The following ATP11A variants were observed in gnomAD, a reference collection of about 807,000 sequenced individuals.
The protein encoded by ATP11A is ATPase phospholipid transporting 11A, also known as phospholipid-transporting ATPase IH.
ATP11A carries 81 observed loss-of-function variants against 154.4 expected under a neutral mutation model. The observed-to-expected ratio is 0.52, with a 90% confidence interval of 0.44 to 0.63. The LOEUF (loss-of-function observed/expected upper bound fraction) is 0.63. Ranked by LOEUF, ATP11A falls within the 30% of genes least tolerant of loss-of-function variation. ATP11A has a pLI of 0.00. For missense variants in ATP11A, 1,316 were observed against 1,474.3 expected (o/e 0.89, Z 1.76); for synonymous variants, 623 against 585.9 (o/e 1.06, Z -0.91).
At chr13:112,763,440 T>C (rs1024678027) in intron 1 of ATP11A, among the ~76,000 whole-genome samples, 7 of 152,224 alleles carry the variant, frequency 4.6e-5, no homozygotes, top group African/African-American at 1.7e-4. Context: ...ACATGACCGA[T>C]AGCAGGCCCT....
chr13:112,864,919 C>A (rs377222846), intron 25 of ATP11A, among the ~76,000 whole-genome samples: 15 of 54,748 alleles, frequency 2.7e-4, no homozygotes, highest in African/African-American at 3.3e-4. Flanking sequence ...CCATCACCAC[C>A]TGCGCAGTAA....
intron 4 of ATP11A, among the ~76,000 whole-genome samples, chr13:112,808,046 G>C (rs75214066): frequency 2.6e-5 from 4 of 152,076 alleles, no homozygotes; most frequent in Admixed American, 2.6e-4. Context: ...AGAGCGTGGA[G>C]TAGGGAGGGC....
At chr13:112,707,047 G>A (rs778355953) in intron 1 of ATP11A, among the ~76,000 whole-genome samples, 18 of 152,134 alleles carry the variant, frequency 1.2e-4, no homozygotes, top group Admixed American at 1.0e-3. Context: ...GAGACAACTC[G>A]GCAACATCAG....
chr13:112,832,961 G>A lies in ATP11A; in HGVS notation c.1497G>A (p.Gly499=). 3 of 1,613,916 alleles carry A rather than the reference G, an allele frequency of 1.9e-6. No individual in the cohort carries two copies. The highest frequency in any genetic ancestry group is 2.5e-6 in the Non-Finnish European group (3 of 1,179,916). ...VDGPRKSPDG[G]KSCVYISSSP... The stretch of plus-strand genomic sequence containing the variant: ...GCCCCAGGAAATCGCCGGACGGGGG[G>A]AAATCCTGTGTGTACATCTCATCCT... Residue 499 remains glycine, a synonymous_variant, in exon 14 of 30, where the codon GGG becomes GGA. Coordinates refer to ENST00000375645, the MANE Select transcript of ATP11A (RefSeq NM_015205.3).
At chr13:112,755,009 C>T (rs1431305709) in intron 1 of ATP11A, among the ~76,000 whole-genome samples, 1 of 152,232 alleles carries the variant, frequency 6.6e-6, no homozygotes. Flanking sequence ...GTGGCCTCTG[C>T]AGTGCCAGCT....
chr13:112,707,451 A>G (rs1021451488), intron 1 of ATP11A, among the ~76,000 whole-genome samples: 1 of 151,084 alleles, frequency 6.6e-6, no homozygotes, highest in Non-Finnish European at 1.5e-5. Flanking sequence ...GAAGTTTTGC[A>G]GAGGAGACGA....
intron 1 of ATP11A, among the ~76,000 whole-genome samples, chr13:112,716,466 G>A (rs1888471692): frequency 6.6e-6 from 1 of 152,182 alleles, no homozygotes; most frequent in Non-Finnish European, 1.5e-5. Context: ...GGCCTGTGGG[G>A]GCCACCACCT....
intron 17 of ATP11A, among the ~76,000 whole-genome samples, chr13:112,849,118 T>C (rs551790255): frequency 2.0e-5 from 3 of 152,368 alleles, no homozygotes; most frequent in African/African-American, 7.2e-5. Flanking sequence ...GAGATGATCA[T>C]GTGGGATTTA....
chr13:112,760,979 A>G (rs1355911930), intron 1 of ATP11A, among the ~76,000 whole-genome samples: 1 of 152,220 alleles, frequency 6.6e-6, no homozygotes, highest in Non-Finnish European at 1.5e-5. Context: ...TAACAGGAAA[A>G]TTCCAGAAAT....
intron 16 of ATP11A, among the ~76,000 whole-genome samples, chr13:112,839,195 G>A (rs1047316575): frequency 2.2e-4 from 33 of 152,102 alleles, no homozygotes; most frequent in Non-Finnish European, 4.4e-5. Context: ...TCTCTCTTTT[G>A]GGGGATCCTG....
At chr13:112,831,063 C>T (rs2079070600) in intron 12 of ATP11A, among the ~76,000 whole-genome samples, 1 of 152,106 alleles carries the variant, frequency 6.6e-6, no homozygotes, top group Non-Finnish European at 1.5e-5. Context: ...TGTCTCTGTC[C>T]CGGGGAATGG....
In ATP11A at chr13:112,878,255, C is replaced by T; in HGVS notation, c.3366C>T (p.Ile1122=). Residue 1122 remains isoleucine (I), a synonymous_variant, in exon 29 of 30, where the codon ATC becomes ATT. Coordinates refer to ENST00000375645, the MANE Select transcript of ATP11A (RefSeq NM_015205.3). ...SQCLSVEQST[I]FMLSQTSSSL... Reference sequence around the variant, plus strand: ...GCCTTTCTGTCGAGCAGTCAACCATCTTTATGCTTTCTCAGACTTCCAGCA... The same window carrying T: ...GCCTTTCTGTCGAGCAGTCAACCATTTTTATGCTTTCTCAGACTTCCAGCA... 1 of 1,614,232 alleles carries T rather than the reference C, an allele frequency of 6.2e-7. No homozygotes were observed.
chr13:112,821,673 G>T (rs1275122193), intron 8 of ATP11A, among the ~76,000 whole-genome samples: 1 of 152,196 alleles, frequency 6.6e-6, no homozygotes, highest in Non-Finnish European at 1.5e-5. Context: ...TATTGAAGAT[G>T]TTTGTAAATT....
rs2080902359 is a variant in ATP11A at position 112,882,151 on chromosome 13, G to A, written c.*285G>A. On this transcript the variant is annotated 3_prime_UTR_variant, in exon 30 of 30. Coordinates refer to ENST00000375645, the MANE Select transcript of ATP11A (RefSeq NM_015205.3). The surrounding 1 kb of genome is among the most constrained non-coding windows in gnomAD (Gnocchi z 5.1). ...GAGGGGGGTCACAGGCCTTGCCCTC[G>A]AGCATGGCACCCTGGCCGCCTGGAC... The A allele has an allele frequency of 1.6e-5, 21 of 1,308,822 alleles. No homozygotes were observed. The East Asian group carries it at 2.3e-4, about 15-fold the overall frequency. The allele number at this position is 1,308,822 out of a possible 1,614,324, so 81.1% of individuals were successfully genotyped here.
intron 17 of ATP11A, among the ~76,000 whole-genome samples, chr13:112,844,717 G>A (rs772637160): frequency 7.0e-6 from 1 of 142,174 alleles, no homozygotes; most frequent in Non-Finnish European, 1.5e-5. Context: ...CTAGTTCAGC[G>A]GCCGCTAGTC....
intron 15 of ATP11A, among the ~76,000 whole-genome samples, chr13:112,835,680 G>C (rs2079213838): frequency 6.6e-6 from 1 of 152,232 alleles, no homozygotes; most frequent in South Asian, 2.1e-4. Flanking sequence ...GGCAGCAGCG[G>C]GGGCTGCCAA....
intron 29 of ATP11A, among the ~76,000 whole-genome samples, chr13:112,879,454 T>G (rs978499551): frequency 6.6e-6 from 1 of 152,226 alleles, no homozygotes; most frequent in Non-Finnish European, 1.5e-5. Context: ...TAATGACTCA[T>G]AAGAGGTCCT....
At chr13:112,822,730 T>G (rs1423035198) in intron 8 of ATP11A, among the ~76,000 whole-genome samples, 2 of 140,962 alleles carry the variant, frequency 1.4e-5, no homozygotes, top group East Asian at 2.0e-4. Context: ...GGCGACAGAG[T>G]GAGACCCTGT....
At chr13:112,743,119 C>T (rs974534067) in intron 1 of ATP11A, among the ~76,000 whole-genome samples, 2 of 152,204 alleles carry the variant, frequency 1.3e-5, no homozygotes, top group South Asian at 4.1e-4. Context: ...TTCAGACTGG[C>T]AGACAGTTGC....
Sources: gnomAD v4.1 joint callset for allele counts (sites outside exome capture counted in the v4.1 genomes callset) on GRCh38, gnomAD v4.1.1 for gene constraint, Gnocchi (gnomAD v3.1) non-coding constraint, MANE v1.5 for transcripts, NCBI Gene and HGNC (gene_info 2026-07-23, HGNC 2026-07-21) for gene names.